Variants in CHD2 observed in about 807,000 individuals in gnomAD.
CHD2 encodes the protein chromodomain helicase DNA binding protein 2.
In CHD2, 28 loss-of-function variants were observed where a neutral mutation model predicts 243.9. The observed-to-expected ratio is 0.11, with a 90% CI of 0.09 to 0.16. The LOEUF is 0.16. Ranked by LOEUF, CHD2 falls within the 10% of genes least tolerant of loss-of-function variation. The probability of loss-of-function intolerance (pLI) is 1.00; values close to 1 mark genes in which losing one functional copy is unlikely to be tolerated. For synonymous variants in CHD2, 775 were observed against 779.0 expected (o/e 0.99, Z 0.09); for missense variants, 1,386 against 2,209.8 (o/e 0.63, Z 7.47).
intron 5 of CHD2, among the ~76,000 whole-genome samples, chr15:92,933,393 G>T (rs1424988126): frequency 1.3e-5 from 2 of 152,170 alleles, no homozygotes; most frequent in African/African-American, 4.8e-5. Context: ...TCTCCATTTT[G>T]CCTTGTTTGC....
intron 5 of CHD2, among the ~76,000 whole-genome samples, chr15:92,934,903 T>C (rs1596388034): frequency 6.6e-6 from 1 of 152,212 alleles, no homozygotes; most frequent in Non-Finnish European, 1.5e-5. Flanking sequence ...CAGTGAGTTA[T>C]GATTGAAAGT....
intron 2 of CHD2, among the ~76,000 whole-genome samples, chr15:92,903,114 C>T (rs2052553938): frequency 6.6e-6 from 1 of 152,156 alleles, no homozygotes; most frequent in Admixed American, 6.5e-5. Context: ...AAGATAGTTA[C>T]TTTTAAATTA....
chr15:92,949,492 T>C (rs1301505399), intron 13 of CHD2, among the ~76,000 whole-genome samples: 1 of 152,174 alleles, frequency 6.6e-6, no homozygotes, highest in Non-Finnish European at 1.5e-5. Flanking sequence ...CCTACAGTAG[T>C]GCTGTAGAGA....
At chr15:92,932,549 T>C (rs2141762903) in intron 5 of CHD2, among the ~76,000 whole-genome samples, 1 of 150,816 alleles carries the variant, frequency 6.6e-6, no homozygotes, top group African/African-American at 2.4e-5. Context: ...CGGTGTTTGG[T>C]TTTCTGTCCT....
intron 16 of CHD2, among the ~76,000 whole-genome samples, chr15:92,962,089 C>T (rs1181306515): frequency 6.6e-6 from 1 of 151,754 alleles, no homozygotes; most frequent in African/African-American, 2.4e-5. Flanking sequence ...ACCAAGTTGG[C>T]CAGGCTGGTC....
intron 36 of CHD2, 35 bp from the exon 37 acceptor site, chr15:93,014,661 A>G (rs752558926): frequency 6.3e-7 from 1 of 1,589,680 alleles, no homozygotes; most frequent in Non-Finnish European, 8.6e-7. Flanking sequence ...TAAGCCTGGG[A>G]TCTTGAGCTT....
chr15:93,027,272 T>A lies in CHD2; in HGVS notation c.*2567T>A, dbSNP rs892084892. ...GCCCCAGGAATCTGTGAGGATGGTA[T>A]TCCCTGGAGTCTGGCTTTGAAAGAT... On this transcript the variant is annotated 3_prime_UTR_variant, in exon 39 of 39. Transcript: ENST00000394196. The A allele has an allele frequency of 6.6e-6, 1 of 152,368 alleles. No homozygotes were observed. The highest frequency in any genetic ancestry group is 1.5e-5 in the Non-Finnish European group (1 of 68,044). 9.4% of individuals were successfully genotyped at this position (152,368 alleles called of 1,614,324 possible).
At chr15:92,962,370 G>A (rs1472078030) in intron 16 of CHD2, among the ~76,000 whole-genome samples, 1 of 151,772 alleles carries the variant, frequency 6.6e-6, no homozygotes, top group African/African-American at 2.4e-5. Flanking sequence ...TGATAATTTT[G>A]TGTTTTTGTT....
intron 24 of CHD2, among the ~76,000 whole-genome samples, chr15:92,982,105 G>A (rs1018204202): frequency 6.6e-6 from 1 of 152,214 alleles, no homozygotes; most frequent in East Asian, 1.9e-4. Context: ...GAAAGAACTT[G>A]AGTATAGGGA....
intron 32 of CHD2, among the ~76,000 whole-genome samples, chr15:93,001,921 T>G (rs976596311): frequency 1.1e-4 from 16 of 152,214 alleles, no homozygotes; most frequent in Non-Finnish European, 2.1e-4. Flanking sequence ...GAAATGAGAA[T>G]AATAAACTTA....
intron 16 of CHD2, chr15:92,965,111 A>C (rs2053739299): frequency 6.6e-6 from 1 of 152,208 alleles, no homozygotes; most frequent in South Asian, 2.1e-4. Flanking sequence ...ACAAATATTA[A>C]ATACAGAAGT....
chr15:93,000,754 ATAGAATATG>A (rs1320831014), intron 32 of CHD2, 114 bp downstream of exon 32: 1 of 1,172,724 alleles, frequency 8.5e-7, no homozygotes, highest in East Asian at 2.4e-5. Flanking sequence ...TTAAATGGAA[ATAGAATATG>A]TAAGTCTTCG....
At chr15:92,979,076 T>G in intron 21 of CHD2, 59 bp from the exon 22 acceptor site, 1 of 1,581,858 alleles carries the variant, frequency 6.3e-7, no homozygotes, top group East Asian at 2.2e-5. Context: ...CCTTCTCTCT[T>G]TTTTTGGGGG....
intron 2 of CHD2, chr15:92,904,770 C>T: frequency 2.9e-6 from 4 of 1,402,320 alleles, no homozygotes; most frequent in Non-Finnish European, 2.8e-6. Context: ...CTTAGCGTCC[C>T]TTCTCCCCGC....
At chr15:92,989,286 C>A (rs924943086) in intron 26 of CHD2, among the ~76,000 whole-genome samples, 26 of 152,186 alleles carry the variant, frequency 1.7e-4, no homozygotes, top group Non-Finnish European at 5.9e-5. Flanking sequence ...CCCGCCTCGG[C>A]CTCCCAAAGT....
chr15:93,014,940 G>A (rs1261824315), intron 37 of CHD2, 31 bp downstream of exon 37: 1 of 1,576,242 alleles, frequency 6.3e-7, no homozygotes, highest in African/African-American at 1.4e-5. Context: ...TTTAAAAGAG[G>A]TGCCAAAAGA....
chr15:92,932,892 G>A (rs2053198686), intron 5 of CHD2, among the ~76,000 whole-genome samples: 5 of 152,010 alleles, frequency 3.3e-5, no homozygotes, highest in African/African-American at 9.7e-5. Context: ...ACAGGCATGC[G>A]CCACTGTGCC....
intron 12 of CHD2, among the ~76,000 whole-genome samples, chr15:92,948,112 A>T (rs1269983687): frequency 6.6e-6 from 1 of 152,162 alleles, no homozygotes; most frequent in Non-Finnish European, 1.5e-5. Flanking sequence ...ATAGAGACTG[A>T]CCTCACTAGA....
chr15:92,928,949 C>CTGT, intron 4 of CHD2, 81 bp from the exon 5 acceptor site: 2 of 1,318,644 alleles, frequency 1.5e-6, no homozygotes, highest in Non-Finnish European at 2.1e-6. Flanking sequence ...ATTGAGTAGA[C>CTGT]TGTTGATCCA....
Sources: allele counts gnomAD v4.1 joint callset (sites outside exome capture counted in the v4.1 genomes callset), GRCh38; gene constraint gnomAD v4.1.1; transcripts MANE v1.5; gene names NCBI Gene and HGNC (gene_info 2026-07-23, HGNC 2026-07-21).